NDUFAF5: variants seen among roughly 807,000 people sequenced by gnomAD.
NDUFAF5 encodes the protein arginine-hydroxylase NDUFAF5, mitochondrial.
NDUFAF5 carries 34 observed loss-of-function variants against 48.9 expected under a neutral mutation model. That is an observed-to-expected ratio of 0.70 (90% CI 0.53 to 0.93). The LOEUF (loss-of-function observed/expected upper bound fraction) is 0.93. Ranked by LOEUF, NDUFAF5 falls within the 40% of genes least tolerant of loss-of-function variation. The pLI is 0.00. For synonymous variants in NDUFAF5, 153 were observed against 150.6 expected (o/e 1.02, Z -0.12); for missense variants, 428 against 427.5 (o/e 1.00, Z -0.01).
intron 7 of NDUFAF5, among the ~76,000 whole-genome samples, chr20:13,803,665 A>G (rs1984551415): frequency 6.6e-6 from 1 of 152,246 alleles, no homozygotes; most frequent in Non-Finnish European, 1.5e-5. Context: ...ATCTGTCAGT[A>G]TTCACTATAT....
At position 13,788,598 on chromosome 20, in the gene NDUFAF5, C is replaced by A. The variant is rs757439081; in HGVS notation, c.273C>A (p.Pro91=). 6.8e-6 allele frequency: 11 copies of A among 1,611,184 alleles called. No individual in the cohort carries two copies. The African/African-American group carries it at 1.3e-4, about 20-fold the overall frequency. ...DRVYDIPRNF[P]LALDLGCGRG... is the part of the protein sequence containing the mutation. ...GTGTCTTTTTTTTTAGAAATTTCCCCCTTGCTTTGGATCTTGGTTGTGGAA... is the reference window on the plus strand; with the variant it reads ...GTGTCTTTTTTTTTAGAAATTTCCCACTTGCTTTGGATCTTGGTTGTGGAA... The change falls in exon 3 of 11, where the codon CCC becomes CCA. Residue 91 remains proline, a synonymous_variant. Coordinates refer to ENST00000378106, the MANE Select transcript of NDUFAF5 (RefSeq NM_024120.5).
At chr20:13,806,011 GT>G (rs1402900789) in intron 7 of NDUFAF5, among the ~76,000 whole-genome samples, 1 of 152,036 alleles carries the variant, frequency 6.6e-6, no homozygotes, top group Admixed American at 6.6e-5. Flanking sequence ...AGCTATACAG[GT>G]TTATGTTGCA....
chr20:13,786,918 C>G (rs912950826), intron 1 of NDUFAF5, among the ~76,000 whole-genome samples: 3 of 152,180 alleles, frequency 2.0e-5, no homozygotes, highest in African/African-American at 4.8e-5. Flanking sequence ...CACTTACATA[C>G]TCATCTACAA....
chr20:13,795,837 T>C (rs1160727528), intron 5 of NDUFAF5, among the ~76,000 whole-genome samples: 1 of 152,140 alleles, frequency 6.6e-6, no homozygotes, highest in African/African-American at 2.4e-5. Context: ...AATAATTCTG[T>C]ACCAGAATGT....
At chr20:13,790,277 A>G (rs2147494220) in intron 3 of NDUFAF5, among the ~76,000 whole-genome samples, 1 of 152,346 alleles carries the variant, frequency 6.6e-6, no homozygotes, top group South Asian at 2.1e-4. Flanking sequence ...TGGAAGTATC[A>G]ACAGAACTTG....
rs1404687619 is a variant in NDUFAF5, at chr20:13,789,558, CT to C, written c.327+909del. ...TGGTGCAATCTCAGCTCACTGCAAG[CT>C]TTGCCTTCCAGGTTCATGCCATTCT... On this transcript the variant is annotated intron_variant, in intron 3 of 10. Coordinates refer to ENST00000378106, the MANE Select transcript of NDUFAF5 (RefSeq NM_024120.5). Among the ~76,000 whole-genome samples, 3 of 151,792 alleles carry C rather than the reference CT, an allele frequency of 2.0e-5. No individual in the cohort carries two copies. The East Asian group carries it at 5.8e-4, about 29-fold the overall frequency.
chr20:13,793,778 G>C (rs1303560473), intron 4 of NDUFAF5, among the ~76,000 whole-genome samples: 1 of 152,140 alleles, frequency 6.6e-6, no homozygotes, highest in African/African-American at 2.4e-5. Flanking sequence ...GATTCATTTT[G>C]ATGTTCATTT....
At chr20:13,806,885 A>C (rs1340592607) in intron 7 of NDUFAF5, among the ~76,000 whole-genome samples, 1 of 152,124 alleles carries the variant, frequency 6.6e-6, no homozygotes, top group Non-Finnish European at 1.5e-5. Flanking sequence ...GTGTAAAGTG[A>C]AACGAAGTCT....
rs187441197 is a variant in NDUFAF5, at chr20:13,817,716, C to G, written c.*506C>G. 4.2e-4 allele frequency: 192 copies of G among 454,058 alleles called. 1 individual carries two copies. The East Asian group carries it at 8.5e-3, about 20-fold the overall frequency. The allele number at this position is 454,058 out of a possible 1,614,324, so 28.1% of individuals were successfully genotyped here. A position where few individuals can be genotyped will look rare whatever the true frequency, so the allele number is the denominator to read the frequency against. ...TATCTCCATGGTGTGGGTGGGACCA[C>G]CATGGTTTTACACCCCACCCTACCT... On this transcript the variant is annotated 3_prime_UTR_variant, in exon 11 of 11. Coordinates refer to ENST00000378106, the MANE Select transcript of NDUFAF5 (RefSeq NM_024120.5).
chr20:13,804,530 T>C (rs938702918), intron 7 of NDUFAF5, among the ~76,000 whole-genome samples: 2 of 152,212 alleles, frequency 1.3e-5, no homozygotes, highest in Non-Finnish European at 2.9e-5. Flanking sequence ...ATACTGTTAA[T>C]AGTTTTCTAA....
intron 7 of NDUFAF5, among the ~76,000 whole-genome samples, chr20:13,806,035 ATTACTT>A (rs1984956191): frequency 6.6e-6 from 1 of 152,234 alleles, no homozygotes; most frequent in African/African-American, 2.4e-5. Context: ...CATTAGATAT[ATTACTT>A]TTACGCTACA....
At chr20:13,804,382 A>G (rs1025036129) in intron 7 of NDUFAF5, among the ~76,000 whole-genome samples, 1 of 152,050 alleles carries the variant, frequency 6.6e-6, no homozygotes, top group African/African-American at 2.4e-5. Context: ...CTACTGTCCT[A>G]GAGGTAGCTA....
chr20:13,785,253 A>T lies in NDUFAF5; in HGVS notation c.185A>T (p.Gln62Leu). The T allele has an allele frequency of 6.2e-7, 1 of 1,613,222 alleles. No homozygotes were observed. ...AAACAGAAGAACTGGGCAGCCCGGCAGCCCGAGCCGACCAAATTTGACTAC... is the reference window on the plus strand; with the variant it reads ...AAACAGAAGAACTGGGCAGCCCGGCTGCCCGAGCCGACCAAATTTGACTAC... ...KRKQKNWAAR[Q>L]PEPTKFDYLK... The change falls in exon 1 of 11, where the codon CAG becomes CTG. Residue 62 changes from glutamine (Q) to leucine (L), a missense_variant. By Grantham distance (113) the Gln-to-Leu change is moderately radical (BLOSUM62 -2). Coordinates refer to ENST00000378106, the MANE Select transcript of NDUFAF5 (RefSeq NM_024120.5).
Position 13,816,534 on chromosome 20 carries a change from G to T in NDUFAF5, c.850G>T (p.Ala284Ser). The T allele has an allele frequency of 6.2e-7, 1 of 1,613,920 alleles. No individual in the cohort carries two copies. Reference protein sequence around the residue: ...LHRDTMLAAAAVYREMYRNED... With the variant: ...LHRDTMLAAASVYREMYRNED... ...TCGAGACACAATGCTGGCAGCTGCGGCAGTGTACAGAGGTAAGGGGCGACC... is the reference window on the plus strand; with the variant it reads ...TCGAGACACAATGCTGGCAGCTGCGTCAGTGTACAGAGGTAAGGGGCGACC... Residue 284 changes from alanine (A) to serine (S), a missense_variant, in exon 9 of 11, where the codon GCA becomes TCA. By Grantham distance (99) the Ala-to-Ser change is moderately conservative. Coordinates refer to ENST00000378106, the MANE Select transcript of NDUFAF5 (RefSeq NM_024120.5).
In NDUFAF5 at chr20:13,801,567, T is replaced by G; in HGVS notation, c.601T>G (p.Leu201Val). The G allele has an allele frequency of 6.2e-7, 1 of 1,614,076 alleles. No homozygotes were observed. The highest frequency in any genetic ancestry group is 1.1e-5 in the South Asian group (1 of 91,074). ...CACACTCTATGAACTTCGGTGTTCCTTACAGTTAGCGGAAACGGAAAGGGA... is the reference window on the plus strand; with the variant it reads ...CACACTCTATGAACTTCGGTGTTCCGTACAGTTAGCGGAAACGGAAAGGGA... ...GDTLYELRCSLQLAETEREGG... is the reference protein window; with the variant it reads ...GDTLYELRCSVQLAETEREGG... Residue 201 changes from leucine (L) to valine (V), a missense_variant, in exon 7 of 11, where the codon TTA becomes GTA. Coordinates refer to ENST00000378106, the MANE Select transcript of NDUFAF5 (RefSeq NM_024120.5).
At position 13,818,005 on chromosome 20, in the gene NDUFAF5, A is replaced by T; in HGVS notation, c.*795A>T. 1 of 454,152 alleles carries T rather than the reference A, an allele frequency of 2.2e-6. No individual in the cohort carries two copies. Among genetic ancestry groups the T allele is most frequent in the South Asian group, 1.6e-5 (1 of 64,470 alleles). The allele number at this position is 454,152 out of a possible 1,614,324, so 28.1% of individuals were successfully genotyped here. A position where few individuals can be genotyped will look rare whatever the true frequency, so the allele number is the denominator to read the frequency against. ...GAGAAGCAAGCAGGAGTGAGCGCTA[A>T]GTGTTTTGTTTCCAGTTAGCTGTTC... On this transcript the variant is annotated 3_prime_UTR_variant, in exon 11 of 11. Transcript: ENST00000378106.
At chr20:13,801,459 C>T in intron 6 of NDUFAF5, 27 bp from the exon 7 acceptor site, 1 of 1,430,736 alleles carries the variant, frequency 7.0e-7, no homozygotes, top group Non-Finnish European at 9.6e-7. Context: ...AAATTTGAAT[C>T]ATTTTGTTTT....
chr20:13,786,326 A>G (rs1600310737), intron 1 of NDUFAF5, among the ~76,000 whole-genome samples: 1 of 152,170 alleles, frequency 6.6e-6, no homozygotes, highest in African/African-American at 2.4e-5. Context: ...ACTACCAATA[A>G]ATTTTTTGTG....
At position 13,817,259 on chromosome 20, in the gene NDUFAF5, A is replaced by C. The variant is rs1986588351; in HGVS notation, c.*49A>C. The C allele has an allele frequency of 7.7e-7, 1 of 1,296,704 alleles. No homozygotes were observed. The highest frequency in any genetic ancestry group is 1.5e-5 in the African/African-American group (1 of 68,798). 80.3% of individuals were successfully genotyped at this position (1,296,704 alleles called of 1,614,324 possible). A position where few individuals can be genotyped will look rare whatever the true frequency, so the allele number is the denominator to read the frequency against. ...TCCAGAATTTTCATCAGAAATGGAT[A>C]GCTTTAACATCTAAAATTATTATAT... On this transcript the variant is annotated 3_prime_UTR_variant, in exon 11 of 11. Coordinates refer to ENST00000378106, the MANE Select transcript of NDUFAF5 (RefSeq NM_024120.5).
Sources: allele counts gnomAD v4.1 joint callset (sites outside exome capture counted in the v4.1 genomes callset), GRCh38; gene constraint gnomAD v4.1.1; transcripts MANE v1.5; gene names NCBI Gene and HGNC (gene_info 2026-07-23, HGNC 2026-07-21).